The following ERBIN variants were observed in gnomAD, a reference collection of about 807,000 sequenced individuals.
The protein encoded by ERBIN is erbb2 interacting protein.
A neutral mutation model predicts 158.4 loss-of-function variants in ERBIN; 60 were observed. The observed-to-expected ratio is 0.38, with a 90% CI of 0.31 to 0.47. ERBIN has a LOEUF of 0.47. Ranked by LOEUF, ERBIN falls within the 20% of genes least tolerant of loss-of-function variation. The pLI, the probability that ERBIN is intolerant of heterozygous loss-of-function variation, is 0.99. For synonymous variants in ERBIN, 594 were observed against 557.2 expected (o/e 1.07, Z -0.93); for missense variants, 1,610 against 1,648.0 (o/e 0.98, Z 0.40).
chr5:65,960,965 A>G (rs1465149642), intron 1 of ERBIN, among the ~76,000 whole-genome samples: 2 of 152,176 alleles, frequency 1.3e-5, no homozygotes, highest in Admixed American at 6.5e-5. Context: ...AAATGTTATC[A>G]TGTATTTTCA....
intron 7 of ERBIN, among the ~76,000 whole-genome samples, chr5:66,019,791 T>C (rs73763061): frequency 0.04 from 6,131 of 152,228 alleles, 421 homozygotes; most frequent in African/African-American, 0.14. Flanking sequence ...TGTTATGCCA[T>C]TGACATTATG....
chr5:66,025,827 A>G (rs1452403886), intron 11 of ERBIN, 21 bp from the exon 12 acceptor site: 1 of 1,340,138 alleles, frequency 7.5e-7, no homozygotes, highest in South Asian at 1.6e-5. Context: ...AATAATATAT[A>G]TTTCTTTTTT....
chr5:65,974,535 T>C (rs1193006538), intron 1 of ERBIN, among the ~76,000 whole-genome samples: 1 of 152,198 alleles, frequency 6.6e-6, no homozygotes, highest in East Asian at 1.9e-4. Context: ...CTGTTATCTT[T>C]AGGGATGACA....
At chr5:66,063,322 C>G (rs931277949) in intron 21 of ERBIN, among the ~76,000 whole-genome samples, 4 of 152,206 alleles carry the variant, frequency 2.6e-5, no homozygotes, top group African/African-American at 9.6e-5. Context: ...GCTCCATGGG[C>G]GTAGGACCCT....
intron 1 of ERBIN, among the ~76,000 whole-genome samples, chr5:65,967,533 A>G (rs1216845634): frequency 6.6e-6 from 1 of 152,156 alleles, no homozygotes; most frequent in African/African-American, 2.4e-5. Flanking sequence ...TTCTTAGTCT[A>G]GTGGCAGTAG....
At chr5:66,060,994 T>C (rs1760228964) in intron 21 of ERBIN, among the ~76,000 whole-genome samples, 1 of 152,148 alleles carries the variant, frequency 6.6e-6, no homozygotes, top group Non-Finnish European at 1.5e-5. Context: ...ATAGGTGTGG[T>C]GTGGTGCTGA....
chr5:66,001,877 A>G (rs1371171432), intron 4 of ERBIN, among the ~76,000 whole-genome samples: 2 of 152,056 alleles, frequency 1.3e-5, no homozygotes, highest in Non-Finnish European at 2.9e-5. Flanking sequence ...TACACGTGCC[A>G]TGGTGGTTTG....
chr5:66,040,024 G>A lies in ERBIN; in HGVS notation c.1306+1542G>A, dbSNP rs1245484330. ...AGGTAAAGAGTTTTCTAATAGTTTA[G>A]CACTAGTTCTGGAATACAAGAGTAT... On this transcript the variant is annotated intron_variant, in intron 15 of 25. Coordinates refer to ENST00000284037, the MANE Select transcript of ERBIN (RefSeq NM_001253697.2). Among the ~76,000 whole-genome samples, 7 of 151,988 alleles carry A rather than the reference G, an allele frequency of 4.6e-5. No individual in the cohort carries two copies. The East Asian group carries it at 9.7e-4, about 21-fold the overall frequency.
intron 7 of ERBIN, among the ~76,000 whole-genome samples, chr5:66,017,899 A>T (rs912277215): frequency 2.0e-5 from 3 of 152,090 alleles, no homozygotes; most frequent in Non-Finnish European, 4.4e-5. Context: ...ATTTTTCTGC[A>T]TATAGTTATC....
chr5:66,078,324 A>G, intron 25 of ERBIN, 99 bp from the exon 26 acceptor site: 1 of 758,382 alleles, frequency 1.3e-6, no homozygotes. Context: ...TAAGTTGCCA[A>G]AGTGATTCTT....
At chr5:65,994,679 TA>T (rs1752226542) in intron 3 of ERBIN, 67 bp from the exon 4 acceptor site, 2 of 863,410 alleles carry the variant, frequency 2.3e-6, no homozygotes, top group Non-Finnish European at 3.7e-6. Context: ...TGGCTGATAA[TA>T]AAAGTTAGTT....
At chr5:65,962,161 AGAGT>A (rs1484935387) in intron 1 of ERBIN, among the ~76,000 whole-genome samples, 1 of 152,218 alleles carries the variant, frequency 6.6e-6, no homozygotes, top group Non-Finnish European at 1.5e-5. Flanking sequence ...AAGAGAATCA[AGAGT>A]GAGTGCTTTT....
At chr5:65,943,015 C>T (rs377408764) in intron 1 of ERBIN, among the ~76,000 whole-genome samples, 3 of 152,236 alleles carry the variant, frequency 2.0e-5, no homozygotes, top group Middle Eastern at 3.4e-3. Flanking sequence ...CTCCATTTCC[C>T]CTATTATTAA....
At chr5:65,932,087 G>C (rs1406370727) in intron 1 of ERBIN, among the ~76,000 whole-genome samples, 1 of 151,776 alleles carries the variant, frequency 6.6e-6, no homozygotes, top group Non-Finnish European at 1.5e-5. Context: ...CAAAGTGCTG[G>C]GATTACAGGC....
At chr5:65,939,887 C>G (rs1310027811) in intron 1 of ERBIN, among the ~76,000 whole-genome samples, 1 of 151,684 alleles carries the variant, frequency 6.6e-6, no homozygotes, top group South Asian at 2.1e-4. Flanking sequence ...GGCGTGATCT[C>G]GGCTCGCTAC....
At chr5:66,064,617 A>G (rs1232803603) in intron 21 of ERBIN, among the ~76,000 whole-genome samples, 1 of 152,220 alleles carries the variant, frequency 6.6e-6, no homozygotes, top group South Asian at 2.1e-4. Context: ...TCCTGAGCAT[A>G]TAGAGTATTT....
chr5:66,042,129 G>A (rs754675692), intron 15 of ERBIN, among the ~76,000 whole-genome samples: 1 of 151,904 alleles, frequency 6.6e-6, no homozygotes, highest in Non-Finnish European at 1.5e-5. Context: ...AGAAATATTC[G>A]AATTGACCAT....
In ERBIN at chr5:66,012,059, G is replaced by A. The variant is rs1211411139; in HGVS notation, c.318G>A (p.Glu106=). 6.2e-7 allele frequency: 1 copy of A among 1,601,042 alleles called. No individual in the cohort carries two copies. Among genetic ancestry groups the A allele is most frequent in the African/African-American group, 1.3e-5 (1 of 74,498 alleles). The change falls in exon 5 of 26, where the codon GAG becomes GAA. Residue 106 remains glutamate, a synonymous_variant. Transcript: ENST00000284037. ...TTGTTTGTTTTCTAGGAATACAGGA[G>A]TTTCCAGAAAATATAAAAAATTGTA... The part of the protein sequence containing the change: ...ELDVSKNGIQ[E]FPENIKNCKV...
At chr5:65,963,198 A>G (rs1748112365) in intron 1 of ERBIN, among the ~76,000 whole-genome samples, 1 of 152,226 alleles carries the variant, frequency 6.6e-6, no homozygotes, top group African/African-American at 2.4e-5. Context: ...ATAAAGGTGA[A>G]TAAATTACTT....
Sources: gnomAD v4.1 joint callset for allele counts (sites outside exome capture counted in the v4.1 genomes callset) on GRCh38, gnomAD v4.1.1 for gene constraint, MANE v1.5 for transcripts, NCBI Gene and HGNC (gene_info 2026-07-23, HGNC 2026-07-21) for gene names.